The following ROBO1 variants were observed in gnomAD, a reference collection of about 807,000 sequenced individuals.
The protein encoded by ROBO1 is roundabout guidance receptor 1.
ROBO1 carries 149 observed loss-of-function variants against 195.9 expected under a neutral mutation model. That is an observed-to-expected ratio of 0.76 (90% CI 0.67 to 0.87). The LOEUF (loss-of-function observed/expected upper bound fraction) is 0.87. Among genes scored for constraint, ROBO1 ranks in the 40% least tolerant of loss-of-function variants. ROBO1 has a pLI of 0.00. For missense variants in ROBO1, 1,933 were observed against 2,068.3 expected (o/e 0.93, Z 1.27); for synonymous variants, 816 against 733.2 (o/e 1.11, Z -1.82).
chr3:78,765,041 TC>T (rs2083195634), intron 4 of ROBO1, among the ~76,000 whole-genome samples: 1 of 152,188 alleles, frequency 6.6e-6, no homozygotes, highest in Admixed American at 6.5e-5. Context: ...GACTTTTTTT[TC>T]AAATGTATAT....
intron 2 of ROBO1, among the ~76,000 whole-genome samples, chr3:79,481,395 G>A (rs566149206): frequency 7.9e-5 from 12 of 152,168 alleles, no homozygotes; most frequent in African/African-American, 2.2e-4. Flanking sequence ...AGGTATAAGT[G>A]CACAATTTAT....
chr3:79,315,303 T>C (rs2033682932), intron 2 of ROBO1, among the ~76,000 whole-genome samples: 1 of 152,112 alleles, frequency 6.6e-6, no homozygotes, highest in African/African-American at 2.4e-5. Context: ...CATAAAAAAG[T>C]TTTCATTAAA....
rs1386149881 is a variant in ROBO1, at chr3:78,662,022, A to T, written c.2059T>A (p.Ser687Thr). 1.6e-5 allele frequency: 25 copies of T among 1,606,386 alleles called. No homozygotes were observed. Among genetic ancestry groups the T allele is most frequent in the Non-Finnish European group, 2.0e-5 (24 of 1,176,506 alleles). Residue 687 changes from serine (S) to threonine (T), a missense_variant, in exon 15 of 31, where the codon TCT becomes ACT. By Grantham distance (58) the Ser-to-Thr change is moderately conservative. Around this residue, in one of 3 missense-constraint regions of ROBO1, gnomAD observed 1,737 missense variants for 1,882.5 expected, o/e 0.92. Coordinates refer to ENST00000464233, the MANE Select transcript of ROBO1 (RefSeq NM_002941.4). ...CAGTGCACTTCGATGGAAGAGGAAG[A>T]AAGGACGGTGGGGTTGTGGAGGTGC... ...VLHLHNPTVL[S>T]SSSIEVHWTV...
intron 2 of ROBO1, among the ~76,000 whole-genome samples, chr3:79,170,551 T>A (rs1054872201): frequency 2.6e-5 from 4 of 152,154 alleles, no homozygotes; most frequent in African/African-American, 7.2e-5. Context: ...AAAATTATTA[T>A]CTTCTTTGTA....
At chr3:78,713,865 T>G (rs563054348) in intron 8 of ROBO1, among the ~76,000 whole-genome samples, 1 of 152,364 alleles carries the variant, frequency 6.6e-6, no homozygotes, top group East Asian at 1.9e-4. Context: ...TATTGAGTGT[T>G]TGTTATGATG....
intron 2 of ROBO1, among the ~76,000 whole-genome samples, chr3:79,174,685 A>C (rs2081234004): frequency 6.7e-6 from 1 of 150,202 alleles, no homozygotes; most frequent in African/African-American, 2.5e-5. Context: ...ACCTTACTGA[A>C]ACCCCGTCTC....
intron 1 of ROBO1, among the ~76,000 whole-genome samples, chr3:79,752,550 G>A (rs1033261029): frequency 6.6e-6 from 1 of 152,168 alleles, no homozygotes; most frequent in African/African-American, 2.4e-5. Context: ...GAGGAAGAAA[G>A]GTGTGTGCAG....
At position 78,900,754 on chromosome 3, in the gene ROBO1, A is replaced by T. The variant is rs114719042; in HGVS notation, c.499+37847T>A. On this transcript the variant is annotated intron_variant, in intron 4 of 30. Coordinates refer to ENST00000464233, the MANE Select transcript of ROBO1 (RefSeq NM_002941.4). ...TTTAATATTATCTTTAAAACAAAAA[A>T]ATATATATATATTGAGTCCCAGAAT... Among the ~76,000 whole-genome samples the T allele has an allele frequency of 3.4e-3, 514 of 152,044 alleles. 6 individuals are homozygous for T. The highest frequency in any genetic ancestry group is 0.011 in the African/African-American group (470 of 41,524).
At chr3:79,400,258 T>TC (rs1345139850) in intron 2 of ROBO1, among the ~76,000 whole-genome samples, 1 of 151,952 alleles carries the variant, frequency 6.6e-6, no homozygotes. Flanking sequence ...CCTGAGTCAC[T>TC]CCATAAAAGA....
chr3:79,610,093 T>C (rs1944609826), intron 1 of ROBO1, among the ~76,000 whole-genome samples: 1 of 151,900 alleles, frequency 6.6e-6, no homozygotes, highest in African/African-American at 2.4e-5. Context: ...TATTGAAACA[T>C]TTTAATAATA....
intron 3 of ROBO1, among the ~76,000 whole-genome samples, chr3:79,100,142 G>A (rs1010530514): frequency 1.3e-5 from 2 of 151,868 alleles, no homozygotes; most frequent in African/African-American, 2.4e-5. Flanking sequence ...TACAGTTGGG[G>A]AAACACAGAA....
At chr3:79,018,040 C>A (rs1261946302) in intron 3 of ROBO1, among the ~76,000 whole-genome samples, 1 of 152,182 alleles carries the variant, frequency 6.6e-6, no homozygotes, top group Non-Finnish European at 1.5e-5. Flanking sequence ...CAGCCGGCGG[C>A]TGATACTCAC....
At chr3:79,113,010 A>C (rs763606106) in intron 3 of ROBO1, among the ~76,000 whole-genome samples, 2 of 152,262 alleles carry the variant, frequency 1.3e-5, no homozygotes, top group Non-Finnish European at 2.9e-5. Flanking sequence ...TTATCACCAA[A>C]TGGAGAGCTC....
In ROBO1 at chr3:78,688,527, G is replaced by A. The variant is rs2081099498; in HGVS notation, c.1170+121C>T. On this transcript the variant is annotated intron_variant, in intron 9 of 30. Transcript: ENST00000464233. The stretch of plus-strand genomic sequence containing the variant: ...TGCTAAAATGTTCTGGGCACTCAGA[G>A]ATTTGCCAGTTCTCTTAATGTGACA... 4 of 1,049,816 alleles carry A rather than the reference G, an allele frequency of 3.8e-6. No homozygotes were observed. The South Asian group carries it at 7.7e-5, about 20-fold the overall frequency. 65.0% of individuals were successfully genotyped at this position (1,049,816 alleles called of 1,614,324 possible).
intron 2 of ROBO1, among the ~76,000 whole-genome samples, chr3:79,344,449 T>C (rs2035028968): frequency 6.6e-6 from 1 of 152,144 alleles, no homozygotes; most frequent in African/African-American, 2.4e-5. Context: ...ACCTAGAAAC[T>C]ACACAATAAA....
intron 4 of ROBO1, among the ~76,000 whole-genome samples, chr3:78,790,969 G>C (rs1397618008): frequency 1.3e-5 from 2 of 152,134 alleles, no homozygotes; most frequent in Non-Finnish European, 2.9e-5. Flanking sequence ...AAGGGGTCAA[G>C]CATCACTTTT....
At chr3:79,597,712 A>T (rs1210122411) in intron 1 of ROBO1, among the ~76,000 whole-genome samples, 1 of 152,110 alleles carries the variant, frequency 6.6e-6, no homozygotes, top group Non-Finnish European at 1.5e-5. Flanking sequence ...TTTGCTTTAC[A>T]AAATGAGGCA....
chr3:79,017,450 A>AGAGT lies in ROBO1; in HGVS notation c.173-78524_173-78523insACTC, dbSNP rs71631636. Among the ~76,000 whole-genome samples, 10 of 133,512 alleles carry AGAGT rather than the reference A, an allele frequency of 7.5e-5. No individual in the cohort carries two copies. The East Asian group carries it at 2.0e-3, about 27-fold the overall frequency. The allele number at this position is 133,512 out of a possible 152,430, so 87.6% of individuals were successfully genotyped here. ...TGTGACTATAAAAATTCCGAGGTGC[A>AGAGT]GTGTGTGTGTGTGTGTGTGTGTGTG... On this transcript the variant is annotated intron_variant, in intron 3 of 30. Transcript: ENST00000464233.
In ROBO1 at chr3:78,710,854, G is replaced by T. The variant is rs561847690; in HGVS notation, c.1045+3543C>A. Among the ~76,000 whole-genome samples the T allele has an allele frequency of 1.1e-3, 167 of 152,282 alleles. 3 individuals carry two copies. In the South Asian group the frequency reaches 0.033, roughly 30 times the overall value. On this transcript the variant is annotated intron_variant, in intron 8 of 30. Coordinates refer to ENST00000464233, the MANE Select transcript of ROBO1 (RefSeq NM_002941.4). Reference sequence around the variant, plus strand: ...CATCAAGTAACTCCTCATTCCTGAGGTTTGTGAAGTTGCTCGTTTAAAAAT... The same window carrying T: ...CATCAAGTAACTCCTCATTCCTGAGTTTTGTGAAGTTGCTCGTTTAAAAAT...
Sources: allele counts gnomAD v4.1 joint callset (sites outside exome capture counted in the v4.1 genomes callset), GRCh38; gene constraint gnomAD v4.1.1; regional missense constraint gnomAD v4.1.1; transcripts MANE v1.5; gene names NCBI Gene and HGNC (gene_info 2026-07-23, HGNC 2026-07-21).